The following ADRA1A variants were observed in gnomAD, a reference collection of about 807,000 sequenced individuals.
ADRA1A encodes the protein alpha-1A adrenergic receptor.
In ADRA1A, 31 loss-of-function variants were observed where a neutral mutation model predicts 29.6. The ratio of observed to expected loss-of-function variants is 1.05; its 90% CI spans 0.79 to 1.41. The LOEUF is 1.41. ADRA1A is among the 40% of genes most tolerant of loss of function. The probability of loss-of-function intolerance (pLI) is 0.00; values close to 1 mark genes in which losing one functional copy is unlikely to be tolerated. For synonymous variants in ADRA1A, 311 were observed against 254.3 expected, an observed-to-expected ratio of 1.22 and a Z score of -2.12; for missense variants, 619 against 601.1, an observed-to-expected ratio of 1.03 and a Z score of -0.31.
chr8:26,851,965 A>G (rs1308230143), intron 2 of ADRA1A, among the ~76,000 whole-genome samples: 1 of 152,176 alleles, frequency 6.6e-6, no homozygotes, highest in Non-Finnish European at 1.5e-5. Flanking sequence ...TTGTGTATTA[A>G]TTATTGATTA....
intron 2 of ADRA1A, among the ~76,000 whole-genome samples, chr8:26,844,600 G>A (rs920431433): frequency 3.3e-5 from 5 of 152,084 alleles, no homozygotes; most frequent in East Asian, 3.9e-4. Context: ...GTTGAATTTC[G>A]ACAAGGGTGC....
intron 2 of ADRA1A, among the ~76,000 whole-genome samples, chr8:26,861,356 T>G (rs1300687832): frequency 7.2e-6 from 1 of 138,836 alleles, no homozygotes; most frequent in Non-Finnish European, 1.5e-5. Context: ...CAGGCTGGAG[T>G]GCAGGCATGA....
rs564894352 is a variant in ADRA1A at position 26,812,105 on chromosome 8, C to T, written c.884-41439G>A. Among the ~76,000 whole-genome samples, 12 of 152,212 alleles carry T rather than the reference C, an allele frequency of 7.9e-5. No homozygotes were observed. In the South Asian group the frequency reaches 1.2e-3, roughly 16 times the overall value. ...ATTATATGTTTTCTAGCTTGGAAGA[C>T]GAAGACAATGAGATCTAATGAAATG... is the stretch of plus-strand genomic sequence containing the variant. On this transcript the variant is annotated intron_variant, in intron 2 of 2. Transcript: ENST00000380573.
In ADRA1A at chr8:26,866,099, G is replaced by A. The variant is rs1381017310; in HGVS notation, c.-686-444C>T. On this transcript the variant is annotated intron_variant, in intron 1 of 2. Coordinates refer to ENST00000380573, the MANE Select transcript of ADRA1A (RefSeq NM_000680.4). This position sits in a 1 kb window ranked among gnomAD's most constrained non-coding sequence, Gnocchi z 5.7. ...ACAGGTTGCCTCGCAGTCACCTGGA[G>A]GGGGCGGCCTGGGAGAGGGAACAGC... 6.6e-6 allele frequency among the ~76,000 whole-genome samples: 1 copy of A among 152,150 alleles called. No individual in the cohort carries two copies. Among genetic ancestry groups the A allele is most frequent in the Non-Finnish European group, 1.5e-5 (1 of 68,034 alleles).
chr8:26,865,258 G>C lies in ADRA1A; in HGVS notation c.-289C>G. 7.8e-7 allele frequency: 1 copy of C among 1,276,062 alleles called. No homozygotes were observed. The allele number at this position is 1,276,062 out of a possible 1,614,324, so 79.0% of individuals were successfully genotyped here. On this transcript the variant is annotated 5_prime_UTR_variant, in exon 2 of 3. Transcript: ENST00000380573. The surrounding 1 kb of genome is among the most constrained non-coding windows in gnomAD (Gnocchi z 7.6). ...CCGGGCTGGCCTAGCCCGGGACCCG[G>C]ACTCCCTCCCTACCCGAAGCTGGGT...
intron 2 of ADRA1A, among the ~76,000 whole-genome samples, chr8:26,855,809 C>T (rs1585847933): frequency 6.6e-6 from 1 of 152,184 alleles, no homozygotes; most frequent in African/African-American, 2.4e-5. Context: ...TGAAAAGCCA[C>T]TAGGCAAGTG....
At chr8:26,861,312 T>TTTTG (rs1813445037) in intron 2 of ADRA1A, among the ~76,000 whole-genome samples, 1 of 148,842 alleles carries the variant, frequency 6.7e-6, no homozygotes, top group Non-Finnish European at 1.5e-5. Flanking sequence ...TGTTTTTTTT[T>TTTTG]TTTTTTTTTT....
chr8:26,843,415 T>C (rs1310872471), intron 2 of ADRA1A, among the ~76,000 whole-genome samples: 2 of 152,196 alleles, frequency 1.3e-5, no homozygotes, highest in South Asian at 4.1e-4. Flanking sequence ...TCAGCTTCAA[T>C]TCCTCTCATT....
rs538944758 is a variant in ADRA1A, at chr8:26,848,167, C to G, written c.883+15920G>C. Among the ~76,000 whole-genome samples the G allele has an allele frequency of 6.6e-6, 1 of 152,314 alleles. No homozygotes were observed. Among genetic ancestry groups the G allele is most frequent in the South Asian group, 2.1e-4 (1 of 4,826 alleles). ...CCTGCAAGATGTCACTAATCCCTTG[C>G]GTGCCTCAGTTTCCTTATCTCTACA... On this transcript the variant is annotated intron_variant, in intron 2 of 2. Coordinates refer to ENST00000380573, the MANE Select transcript of ADRA1A (RefSeq NM_000680.4). The surrounding 1 kb of genome is among the most constrained non-coding windows in gnomAD (Gnocchi z 4.3).
chr8:26,810,319 G>T (rs1585737081), intron 2 of ADRA1A, among the ~76,000 whole-genome samples: 1 of 152,210 alleles, frequency 6.6e-6, no homozygotes, highest in African/African-American at 2.4e-5. Context: ...ATGACTATGG[G>T]TTTTTTCCCT....
intron 2 of ADRA1A, among the ~76,000 whole-genome samples, chr8:26,832,367 T>C (rs1452175210): frequency 2.6e-5 from 4 of 151,998 alleles, no homozygotes; most frequent in African/African-American, 9.7e-5. Flanking sequence ...AGCATCTAGG[T>C]ATAAAGGGAC....
intron 2 of ADRA1A, among the ~76,000 whole-genome samples, chr8:26,804,968 C>G (rs879922502): frequency 1.3e-5 from 2 of 152,224 alleles, no homozygotes; most frequent in Non-Finnish European, 2.9e-5. Flanking sequence ...GTCAGTCTCT[C>G]TCTCTCACAT....
At chr8:26,749,802 C>T (rs1312103651) in intron 2 of ADRA1A, among the ~76,000 whole-genome samples, 1 of 152,130 alleles carries the variant, frequency 6.6e-6, no homozygotes, top group Non-Finnish European at 1.5e-5. Flanking sequence ...GTTCTTGGAC[C>T]ATGTATTCTT....
chr8:26,848,193 T>A lies in ADRA1A; in HGVS notation c.883+15894A>T, dbSNP rs557205633. Among the ~76,000 whole-genome samples the A allele has an allele frequency of 6.6e-6, 1 of 152,206 alleles. No individual in the cohort carries two copies. On this transcript the variant is annotated intron_variant, in intron 2 of 2. Coordinates refer to ENST00000380573, the MANE Select transcript of ADRA1A (RefSeq NM_000680.4). This position sits in a 1 kb window ranked among gnomAD's most constrained non-coding sequence, Gnocchi z 4.3. Reference sequence around the variant, plus strand: ...GTGCCTCAGTTTCCTTATCTCTACATGAGCATAGCAACCTCCATCTTCCTG... The same window carrying A: ...GTGCCTCAGTTTCCTTATCTCTACAAGAGCATAGCAACCTCCATCTTCCTG...
chr8:26,765,120 C>T (rs184498102), downstream of ADRA1A, among the ~76,000 whole-genome samples: 12 of 152,316 alleles, frequency 7.9e-5, no homozygotes, highest in Non-Finnish European at 1.5e-4. Flanking sequence ...CTTTAAGCGA[C>T]GTCTATGGTA....
chr8:26,803,307 C>T (rs1412474685), intron 2 of ADRA1A, among the ~76,000 whole-genome samples: 2 of 152,042 alleles, frequency 1.3e-5, no homozygotes, highest in African/African-American at 4.8e-5. Context: ...ACGATTATTA[C>T]ACAGTATATG....
chr8:26,776,572 C>T (rs552499157), intron 2 of ADRA1A, among the ~76,000 whole-genome samples: 17 of 152,324 alleles, frequency 1.1e-4, no homozygotes, highest in African/African-American at 4.1e-4. Context: ...CTCGGCTCCA[C>T]CTCACCCATT....
At chr8:26,803,968 C>T (rs1163362906) in intron 2 of ADRA1A, among the ~76,000 whole-genome samples, 4 of 119,362 alleles carry the variant, frequency 3.4e-5, no homozygotes, top group Non-Finnish European at 6.4e-5. Context: ...GTTGCTTAGG[C>T]TGGAGTGCAG....
intron 2 of ADRA1A, among the ~76,000 whole-genome samples, chr8:26,855,413 T>TA (rs80130885): frequency 0.28 from 39,551 of 138,992 alleles, 5,762 homozygotes; most frequent in African/African-American, 0.42. Context: ...AGCTTACCGA[T>TA]AAAAAAAAAA....
Sources: gnomAD v4.1 joint callset for allele counts (sites outside exome capture counted in the v4.1 genomes callset) on GRCh38, gnomAD v4.1.1 for gene constraint, Gnocchi (gnomAD v3.1) non-coding constraint, MANE v1.5 for transcripts, NCBI Gene and HGNC (gene_info 2026-07-23, HGNC 2026-07-21) for gene names.